The following SPTBN1 variants were observed in gnomAD, a reference collection of about 807,000 sequenced individuals.
SPTBN1 encodes spectrin beta, non-erythrocytic 1, also known as spectrin beta chain, non-erythrocytic 1.
Under a neutral mutation model 266.4 loss-of-function variants are expected in SPTBN1, and 32 were observed. That is an observed-to-expected ratio of 0.12 (90% CI 0.09 to 0.16). SPTBN1 has a LOEUF of 0.16. Ranked by LOEUF, SPTBN1 falls within the 10% of genes least tolerant of loss-of-function variation. The probability of loss-of-function intolerance (pLI) is 1.00; values close to 1 mark genes in which losing one functional copy is unlikely to be tolerated. For synonymous variants in SPTBN1, 1,336 were observed against 1,162.2 expected (o/e 1.15, Z -3.04); for missense variants, 2,296 against 3,067.1 (o/e 0.75, Z 5.94).
intron 2 of SPTBN1, among the ~76,000 whole-genome samples, chr2:54,569,888 C>G (rs1673935931): frequency 1.3e-5 from 2 of 152,154 alleles, no homozygotes; most frequent in African/African-American, 4.8e-5. Flanking sequence ...CACCCCCACC[C>G]CCAAACCTGT....
chr2:54,562,533 C>CTTTTTTTTTTTTTTTTTTTT (rs1553447705), intron 2 of SPTBN1, among the ~76,000 whole-genome samples: 1 of 126,828 alleles, frequency 7.9e-6, no homozygotes, highest in Non-Finnish European at 1.6e-5. Context: ...TTTTCTTTTT[C>CTTTTTTTTTTTTTTTTTTTT]TTTTTTTTTT....
chr2:54,503,315 T>C (rs1043613957), intron 1 of SPTBN1, among the ~76,000 whole-genome samples: 1 of 151,876 alleles, frequency 6.6e-6, no homozygotes, highest in African/African-American at 2.4e-5. Context: ...TTCCTGTTCA[T>C]GGAGGACTAG....
rs535811457 is a variant in SPTBN1 at position 54,479,763 on chromosome 2, A to T, written c.-48+23245A>T. On this transcript the variant is annotated intron_variant, in intron 1 of 35. Coordinates refer to ENST00000356805, the MANE Select transcript of SPTBN1 (RefSeq NM_003128.3). The stretch of plus-strand genomic sequence containing the variant: ...ACATAGCTATTCAATAGTTGTAGCT[A>T]TTTAAAAAATTATTTAGGGTACTTA... Among the ~76,000 whole-genome samples, 7 of 152,340 alleles carry T rather than the reference A, an allele frequency of 4.6e-5. No individual in the cohort carries two copies. In the East Asian group the frequency reaches 9.6e-4, roughly 21 times the overall value.
rs1441930294 is a variant in SPTBN1, at chr2:54,628,610, A to C, written c.1799-323A>C. On this transcript the variant is annotated intron_variant, in intron 13 of 35. Coordinates refer to ENST00000356805, the MANE Select transcript of SPTBN1 (RefSeq NM_003128.3). This position sits in a 1 kb window ranked among gnomAD's most constrained non-coding sequence, Gnocchi z 4.3. The stretch of plus-strand genomic sequence containing the variant: ...ATACCTCTCTTTGGAGGATGTTTAG[A>C]ATGATTTGGTTATGCTTCGTGTATT... 2.0e-5 allele frequency among the ~76,000 whole-genome samples: 3 copies of C among 152,108 alleles called. No homozygotes were observed. The highest frequency in any genetic ancestry group is 2.9e-5 in the Non-Finnish European group (2 of 68,014).
chr2:54,483,155 C>T (rs1289871162), intron 1 of SPTBN1, among the ~76,000 whole-genome samples: 1 of 152,150 alleles, frequency 6.6e-6, no homozygotes, highest in African/African-American at 2.4e-5. Context: ...ATTTTTATCT[C>T]TTCTGCTGGA....
intron 16 of SPTBN1, 58 bp downstream of exon 16, chr2:54,631,669 G>A (rs1678738791): frequency 1.3e-6 from 2 of 1,558,738 alleles, no homozygotes; most frequent in South Asian, 2.4e-5. Flanking sequence ...GCTGCCTTTT[G>A]AAATGTTTTG....
chr2:54,602,909 T>TA (rs1157713842), intron 3 of SPTBN1, among the ~76,000 whole-genome samples: 2 of 152,228 alleles, frequency 1.3e-5, no homozygotes, highest in African/African-American at 2.4e-5. Context: ...TTTATTGAAA[T>TA]AGTGTTTGTG....
chr2:54,517,691 G>C (rs1279079786), intron 1 of SPTBN1, among the ~76,000 whole-genome samples: 7 of 151,310 alleles, frequency 4.6e-5, no homozygotes, highest in Non-Finnish European at 1.5e-5. Flanking sequence ...TGCCACCCAG[G>C]CTGGAGTGTA....
chr2:54,548,726 T>G (rs1302483320), intron 2 of SPTBN1, among the ~76,000 whole-genome samples: 1 of 152,234 alleles, frequency 6.6e-6, no homozygotes, highest in Non-Finnish European at 1.5e-5. Flanking sequence ...TTCTCATTTT[T>G]CTTACTATAA....
chr2:54,599,639 T>C (rs1676344104), intron 3 of SPTBN1, among the ~76,000 whole-genome samples: 1 of 152,214 alleles, frequency 6.6e-6, no homozygotes, highest in South Asian at 2.1e-4. Flanking sequence ...CTAGAAAATC[T>C]GAGCTGCCAT....
chr2:54,583,781 G>A (rs1675104756), intron 2 of SPTBN1, among the ~76,000 whole-genome samples: 1 of 152,158 alleles, frequency 6.6e-6, no homozygotes, highest in Admixed American at 6.5e-5. Flanking sequence ...AGGACCTTTT[G>A]TGATGCCCCA....
rs145398604 is a variant in SPTBN1, at chr2:54,572,662, T to A, written c.149-26430T>A. ...TGCCCCCCTTTACAAAAAATCTTTG[T>A]TTTTCCTCTACAAATATACATATAT... On this transcript the variant is annotated intron_variant, in intron 2 of 35. Coordinates refer to ENST00000356805, the MANE Select transcript of SPTBN1 (RefSeq NM_003128.3). 6.0e-3 allele frequency among the ~76,000 whole-genome samples: 913 copies of A among 152,340 alleles called. 6 individuals are homozygous for A. Among genetic ancestry groups the A allele is most frequent in the Non-Finnish European group, 8.6e-3 (582 of 68,034 alleles).
At chr2:54,505,288 A>T (rs1017889054) in intron 1 of SPTBN1, among the ~76,000 whole-genome samples, 12 of 152,202 alleles carry the variant, frequency 7.9e-5, no homozygotes, top group African/African-American at 2.9e-4. Flanking sequence ...CTTCCCACAC[A>T]GTACTCAGTT....
At chr2:54,505,207 G>T (rs1475774406) in intron 1 of SPTBN1, among the ~76,000 whole-genome samples, 3 of 152,186 alleles carry the variant, frequency 2.0e-5, no homozygotes, top group African/African-American at 7.2e-5. Flanking sequence ...AGAATGGTGT[G>T]AATACTTGGT....
chr2:54,597,166 C>T (rs1023535682), intron 2 of SPTBN1, among the ~76,000 whole-genome samples: 1 of 152,162 alleles, frequency 6.6e-6, no homozygotes, highest in Non-Finnish European at 1.5e-5. Context: ...ATTGTTAACC[C>T]TAAATACATA....
intron 1 of SPTBN1, among the ~76,000 whole-genome samples, chr2:54,509,737 A>G (rs1488454965): frequency 6.6e-6 from 1 of 152,208 alleles, no homozygotes; most frequent in Admixed American, 6.5e-5. Flanking sequence ...CCATAACAGA[A>G]TGCCACAGAC....
intron 2 of SPTBN1, among the ~76,000 whole-genome samples, chr2:54,552,161 C>T (rs909281785): frequency 3.3e-5 from 5 of 152,150 alleles, no homozygotes; most frequent in East Asian, 1.9e-4. Context: ...CCACATGAAA[C>T]GCAACATCGT....
intron 32 of SPTBN1, chr2:54,660,663 T>C (rs1680973322): frequency 1.0e-6 from 1 of 985,402 alleles, no homozygotes; most frequent in African/African-American, 1.7e-5. Context: ...CACAATCTCA[T>C]ACATTTTGAG....
chr2:54,615,312 C>A (rs972354325), intron 4 of SPTBN1, among the ~76,000 whole-genome samples: 2 of 152,086 alleles, frequency 1.3e-5, no homozygotes, highest in Non-Finnish European at 2.9e-5. Flanking sequence ...GACAGAGCAG[C>A]GAAGCTTAAA....
Sources: allele counts gnomAD v4.1 joint callset (sites outside exome capture counted in the v4.1 genomes callset), GRCh38; gene constraint gnomAD v4.1.1; non-coding constraint Gnocchi (gnomAD v3.1); transcripts MANE v1.5; gene names NCBI Gene and HGNC (gene_info 2026-07-23, HGNC 2026-07-21).